The following TEC variants were observed in gnomAD, a reference collection of about 807,000 sequenced individuals.
TEC encodes tec protein tyrosine kinase.
In TEC, 72 loss-of-function variants were observed where a neutral mutation model predicts 93.0. The observed-to-expected ratio is 0.77, with a 90% CI of 0.64 to 0.94. TEC has a LOEUF of 0.94. TEC is among the 40% of genes least tolerant of loss of function. The probability of loss-of-function intolerance (pLI) is 0.00; values close to 1 mark genes in which losing one functional copy is unlikely to be tolerated. For synonymous variants in TEC, 249 were observed against 247.7 expected (o/e 1.01, Z -0.05); for missense variants, 630 against 757.9 (o/e 0.83, Z 1.98).
intron 1 of TEC, among the ~76,000 whole-genome samples, chr4:48,256,220 C>G (rs1174469502): frequency 1.3e-5 from 2 of 152,020 alleles, no homozygotes; most frequent in African/African-American, 2.4e-5. Flanking sequence ...AGAACAATGC[C>G]ATGGGACCAA....
At chr4:48,146,533 TC>T (rs1226441465) in intron 11 of TEC, 134 bp from the exon 12 acceptor site, 1 of 710,908 alleles carries the variant, frequency 1.4e-6, no homozygotes, top group African/African-American at 1.8e-5. Flanking sequence ...CATACAGCAC[TC>T]TGCTATATGC....
intron 1 of TEC, among the ~76,000 whole-genome samples, chr4:48,252,306 T>C (rs542446637): frequency 5.9e-5 from 9 of 152,386 alleles, no homozygotes; most frequent in Non-Finnish European, 1.2e-4. Flanking sequence ...GTGGTGGTGC[T>C]GCTGATCCTT....
intron 4 of TEC, 73 bp from the exon 5 acceptor site, chr4:48,170,449 T>C: frequency 9.6e-7 from 1 of 1,042,460 alleles, no homozygotes; most frequent in Non-Finnish European, 1.4e-6. Flanking sequence ...AATAACAGTG[T>C]CGATCATTAC....
At chr4:48,258,379 G>A (rs1035567566) in intron 1 of TEC, among the ~76,000 whole-genome samples, 1 of 152,044 alleles carries the variant, frequency 6.6e-6, no homozygotes, top group Admixed American at 6.6e-5. Context: ...TCAACCTCAA[G>A]TGATCCGCCC....
intron 15 of TEC, among the ~76,000 whole-genome samples, chr4:48,139,875 T>G (rs914209202): frequency 6.6e-6 from 1 of 152,252 alleles, no homozygotes. Context: ...AGATGGTGAC[T>G]CGGCACAAAG....
Position 48,239,001 on chromosome 4 carries a change from G to A in TEC, c.-45-10342C>T, listed in dbSNP as rs190816448. ...GAGGCTAGACTAGTTCACTTACTTT[G>A]TGAGAGACAAGTATATTTCTATCTT... On this transcript the variant is annotated intron_variant, in intron 1 of 17. Coordinates refer to ENST00000381501, the MANE Select transcript of TEC (RefSeq NM_003215.3). Among the ~76,000 whole-genome samples the A allele has an allele frequency of 1.8e-3, 272 of 152,234 alleles. 1 individual carries two copies. Among genetic ancestry groups the A allele is most frequent in the African/African-American group, 5.9e-3 (246 of 41,540 alleles).
chr4:48,235,599 G>A (rs1462236729), intron 1 of TEC, among the ~76,000 whole-genome samples: 1 of 152,180 alleles, frequency 6.6e-6, no homozygotes, highest in African/African-American at 2.4e-5. Flanking sequence ...AATGGGGGAG[G>A]AGGCTGAGGG....
chr4:48,265,590 GC>G (rs1269682784), intron 1 of TEC, among the ~76,000 whole-genome samples: 2 of 149,572 alleles, frequency 1.3e-5, no homozygotes, highest in Non-Finnish European at 3.0e-5. Context: ...TCAGCACACT[GC>G]AACCTCCGCT....
chr4:48,254,519 G>A (rs970389167), intron 1 of TEC, among the ~76,000 whole-genome samples: 2 of 152,158 alleles, frequency 1.3e-5, no homozygotes, highest in Non-Finnish European at 2.9e-5. Context: ...AAGAATGGAA[G>A]TTCAAAATCA....
At chr4:48,254,150 C>T (rs1724280570) in intron 1 of TEC, among the ~76,000 whole-genome samples, 1 of 152,136 alleles carries the variant, frequency 6.6e-6, no homozygotes, top group Non-Finnish European at 1.5e-5. Context: ...GCACAACTAA[C>T]GCAAACATAA....
At chr4:48,209,240 A>T (rs1480297304) in intron 2 of TEC, among the ~76,000 whole-genome samples, 1 of 152,140 alleles carries the variant, frequency 6.6e-6, no homozygotes, top group Non-Finnish European at 1.5e-5. Flanking sequence ...TTCAGTAGAA[A>T]ATAACCCTTC....
At position 48,265,447 on chromosome 4, in the gene TEC, A is replaced by T. The variant is rs1229921534; in HGVS notation, c.-46+4305T>A. 2.2e-3 allele frequency among the ~76,000 whole-genome samples: 47 copies of T among 20,950 alleles called. 2 individuals are homozygous for T. The highest frequency in any genetic ancestry group is 2.7e-3 in the African/African-American group (47 of 17,400). 13.7% of individuals were successfully genotyped at this position (20,950 alleles called of 152,430 possible). ...TATATACACACACACATATATACGT[A>T]TATATATACATATATACACACACAT... On this transcript the variant is annotated intron_variant, in intron 1 of 17. Transcript: ENST00000381501.
chr4:48,204,173 T>G (rs1264266722), intron 2 of TEC, among the ~76,000 whole-genome samples: 3 of 152,198 alleles, frequency 2.0e-5, no homozygotes, highest in African/African-American at 7.2e-5. Context: ...GTCCCATGAT[T>G]TCTAGCAGTG....
rs1719523585 is a variant in TEC, at chr4:48,138,548, A to G, written c.1812+117T>C. 3 of 1,218,208 alleles carry G rather than the reference A, an allele frequency of 2.5e-6. No homozygotes were observed. In the African/African-American group the frequency reaches 4.5e-5, roughly 18 times the overall value. The allele number at this position is 1,218,208 out of a possible 1,614,324, so 75.5% of individuals were successfully genotyped here. A position where few individuals can be genotyped will look rare whatever the true frequency, so the allele number is the denominator to read the frequency against. Reference sequence around the variant, plus strand: ...TTGAGAGGGTTGGCTTCCTACCTAGAGCTTGAAATCACTATAAAGATGCAC... The same window carrying G: ...TTGAGAGGGTTGGCTTCCTACCTAGGGCTTGAAATCACTATAAAGATGCAC... On this transcript the variant is annotated intron_variant, in intron 17 of 17. Transcript: ENST00000381501.
chr4:48,195,813 A>G (rs552523940), intron 2 of TEC, among the ~76,000 whole-genome samples: 8 of 152,264 alleles, frequency 5.3e-5, no homozygotes, highest in East Asian at 1.9e-4. Context: ...CTAACTCTCA[A>G]TTGCTCTAGT....
intron 2 of TEC, among the ~76,000 whole-genome samples, chr4:48,191,053 C>A (rs1436872172): frequency 1.3e-5 from 2 of 152,244 alleles, no homozygotes; most frequent in Non-Finnish European, 2.9e-5. Context: ...CAGTGACCAG[C>A]AAGCTGTGCT....
At chr4:48,259,987 G>C (rs1300026944) in intron 1 of TEC, among the ~76,000 whole-genome samples, 3 of 152,164 alleles carry the variant, frequency 2.0e-5, no homozygotes, top group Admixed American at 2.0e-4. Flanking sequence ...TCATTGCACA[G>C]TTACATAACA....
intron 2 of TEC, among the ~76,000 whole-genome samples, chr4:48,227,006 C>G (rs530965622): frequency 6.6e-6 from 1 of 152,232 alleles, no homozygotes; most frequent in South Asian, 2.1e-4. Flanking sequence ...ACTAGGGCAG[C>G]TCCACATAAT....
intron 1 of TEC, among the ~76,000 whole-genome samples, chr4:48,246,423 G>C (rs766533183): frequency 1.3e-5 from 2 of 150,806 alleles, no homozygotes; most frequent in African/African-American, 2.4e-5. Flanking sequence ...TGGACAAGGT[G>C]ATTCTAAAAC....
Sources: gnomAD v4.1 joint callset for allele counts (sites outside exome capture counted in the v4.1 genomes callset) on GRCh38, gnomAD v4.1.1 for gene constraint, MANE v1.5 for transcripts, NCBI Gene and HGNC (gene_info 2026-07-23, HGNC 2026-07-21) for gene names.